YIPF4: variants seen among roughly 807,000 people sequenced by gnomAD.
The protein encoded by YIPF4 is protein YIPF4.
A neutral mutation model predicts 29.4 loss-of-function variants in YIPF4; 18 were observed. The observed-to-expected ratio is 0.61, with a 90% CI of 0.42 to 0.91. YIPF4 has a LOEUF of 0.91. Among genes scored for constraint, YIPF4 ranks in the 40% least tolerant of loss-of-function variants. YIPF4 has a pLI of 0.00. For synonymous variants in YIPF4, 115 were observed against 104.7 expected (o/e 1.10, Z -0.60); for missense variants, 279 against 282.7 (o/e 0.99, Z 0.09).
rs566208741 is a variant in YIPF4, at chr2:32,307,053, T to G, written c.*1427T>G. The G allele has an allele frequency of 2.1e-5, 25 of 1,205,564 alleles. No homozygotes were observed. In the Middle Eastern group the frequency reaches 9.1e-4, roughly 44 times the overall value. The allele number at this position is 1,205,564 out of a possible 1,614,324, so 74.7% of individuals were successfully genotyped here. On this transcript the variant is annotated 3_prime_UTR_variant, in exon 6 of 6. Coordinates refer to ENST00000238831, the MANE Select transcript of YIPF4 (RefSeq NM_032312.4). ...GCTGCAGAAAAAGTGTGGAGCACTTTTGAGCTAGAATAATGTAGAAAATTA... is the reference window on the plus strand; with the variant it reads ...GCTGCAGAAAAAGTGTGGAGCACTTGTGAGCTAGAATAATGTAGAAAATTA...
At position 32,301,513 on chromosome 2, in the gene YIPF4, T is replaced by C. The variant is rs776304732; in HGVS notation, c.597+18T>C. 4 of 1,520,150 alleles carry C rather than the reference T, an allele frequency of 2.6e-6. No individual in the cohort carries two copies. In the South Asian group the frequency reaches 4.6e-5, roughly 17 times the overall value. 94.2% of individuals were successfully genotyped at this position (1,520,150 alleles called of 1,614,324 possible). ...TTATAAAAGTAAGTTAAGGATTATG[T>C]ATTACATAGTTTACTGTTTTCCAAT... On this transcript the variant is annotated intron_variant, in intron 5 of 5. Transcript: ENST00000238831.
chr2:32,305,452 A>G, intron 5 of YIPF4, 37 bp from the exon 6 acceptor site: 1 of 1,446,220 alleles, frequency 6.9e-7, no homozygotes, highest in Non-Finnish European at 9.1e-7. Flanking sequence ...TTGACTTGCT[A>G]ATATGCTGCC....
chr2:32,303,498 C>T (rs1258197568), intron 5 of YIPF4, among the ~76,000 whole-genome samples: 1 of 152,078 alleles, frequency 6.6e-6, no homozygotes, highest in African/African-American at 2.4e-5. Flanking sequence ...CAGTTGAGCC[C>T]AGTTCGAGAC....
In YIPF4 at chr2:32,278,128, A is replaced by G; in HGVS notation, c.-28A>G. On this transcript the variant is annotated 5_prime_UTR_variant, in exon 1 of 6. Coordinates refer to ENST00000238831, the MANE Select transcript of YIPF4 (RefSeq NM_032312.4). Reference sequence around the variant, plus strand: ...TCTGGGCCCAGCCGCAGCCTCTTCTACCGCGGCCGGTTGGGAGTCGCCGCG... The same window carrying G: ...TCTGGGCCCAGCCGCAGCCTCTTCTGCCGCGGCCGGTTGGGAGTCGCCGCG... 1 of 1,541,400 alleles carries G rather than the reference A, an allele frequency of 6.5e-7. No homozygotes were observed. The highest frequency in any genetic ancestry group is 8.7e-7 in the Non-Finnish European group (1 of 1,143,782).
At position 32,306,763 on chromosome 2, in the gene YIPF4, C is replaced by A; in HGVS notation, c.*1137C>A. On this transcript the variant is annotated 3_prime_UTR_variant, in exon 6 of 6. Coordinates refer to ENST00000238831, the MANE Select transcript of YIPF4 (RefSeq NM_032312.4). ...ATATTACTTTGTAAAGTAGGTAAAT[C>A]ATTTTATTTATGTCCATAAAATATC... 4.3e-6 allele frequency: 1 copy of A among 232,542 alleles called. No homozygotes were observed. The highest frequency in any genetic ancestry group is 7.1e-6 in the Non-Finnish European group (1 of 141,320). The allele number at this position is 232,542 out of a possible 1,614,324, so 14.4% of individuals were successfully genotyped here.
chr2:32,296,419 C>T (rs2031184368), intron 3 of YIPF4, among the ~76,000 whole-genome samples: 1 of 150,098 alleles, frequency 6.7e-6, no homozygotes, highest in Non-Finnish European at 1.5e-5. Flanking sequence ...TGCATTGAGC[C>T]GAGATCACGC....
At position 32,310,680 on chromosome 2, in the gene YIPF4, A is replaced by C. The variant is rs1675733666; in HGVS notation, c.*5054A>C. ...ACTGTTTTGTGGCCAGGAGTTCAAA[A>C]TCAGCCTGGTCGACGTAGTGAGACC... is the stretch of plus-strand genomic sequence containing the variant. On this transcript the variant is annotated 3_prime_UTR_variant, in exon 6 of 6. Coordinates refer to ENST00000238831, the MANE Select transcript of YIPF4 (RefSeq NM_032312.4). The C allele has an allele frequency of 6.6e-6, 1 of 152,124 alleles. No homozygotes were observed. Among genetic ancestry groups the C allele is most frequent in the Non-Finnish European group, 1.5e-5 (1 of 68,044 alleles). The allele number at this position is 152,124 out of a possible 1,614,324, so 9.4% of individuals were successfully genotyped here.
At position 32,292,174 on chromosome 2, in the gene YIPF4, T is replaced by C; in HGVS notation, c.234-3T>C. ...TTTGAGAATTTTTATTTTAAAATTA[T>C]AGGGAAGAATTGGACATTGATCTAA... On this transcript the variant is annotated splice_polypyrimidine_tract_variant and splice_region_variant and intron_variant, in intron 2 of 5. Transcript: ENST00000238831. 1 of 1,448,984 alleles carries C rather than the reference T, an allele frequency of 6.9e-7. No homozygotes were observed. Among genetic ancestry groups the C allele is most frequent in the Non-Finnish European group, 9.2e-7 (1 of 1,092,410 alleles). The allele number at this position is 1,448,984 out of a possible 1,614,324, so 89.8% of individuals were successfully genotyped here. A position where few individuals can be genotyped will look rare whatever the true frequency, so the allele number is the denominator to read the frequency against.
At position 32,314,585 on chromosome 2, in the gene YIPF4, A is replaced by T. The variant is rs2031784456; in HGVS notation, c.*8959A>T. 1 of 152,180 alleles carries T rather than the reference A, an allele frequency of 6.6e-6. No individual in the cohort carries two copies. Among genetic ancestry groups the T allele is most frequent in the Admixed American group, 6.6e-5 (1 of 15,266 alleles). The allele number at this position is 152,180 out of a possible 1,614,324, so 9.4% of individuals were successfully genotyped here. Reference sequence around the variant, plus strand: ...CTACTCTGGAGGCTGAGACAGGAGAATCGCTTGAACCTGGGAGGTGGAGAG... The same window carrying T: ...CTACTCTGGAGGCTGAGACAGGAGATTCGCTTGAACCTGGGAGGTGGAGAG... On this transcript the variant is annotated 3_prime_UTR_variant, in exon 6 of 6. Transcript: ENST00000238831.
intron 1 of YIPF4, among the ~76,000 whole-genome samples, chr2:32,283,146 C>G (rs1325209670): frequency 6.6e-6 from 1 of 150,494 alleles, no homozygotes; most frequent in African/African-American, 2.4e-5. Flanking sequence ...ACTACTATAT[C>G]TGGCAGAGTT....
At position 32,314,290 on chromosome 2, in the gene YIPF4, A is replaced by G. The variant is rs1210202998; in HGVS notation, c.*8664A>G. 1 of 152,232 alleles carries G rather than the reference A, an allele frequency of 6.6e-6. No homozygotes were observed. Among genetic ancestry groups the G allele is most frequent in the Non-Finnish European group, 1.5e-5 (1 of 68,056 alleles). 9.4% of individuals were successfully genotyped at this position (152,232 alleles called of 1,614,324 possible). A position where few individuals can be genotyped will look rare whatever the true frequency, so the allele number is the denominator to read the frequency against. On this transcript the variant is annotated 3_prime_UTR_variant, in exon 6 of 6. Transcript: ENST00000238831. ...GAAAAAGACAAAGAATTTGTACTGT[A>G]TTACTTCATTTATATGAAGTTCAAA...
chr2:32,278,366 C>T, intron 1 of YIPF4, 132 bp downstream of exon 1: 5 of 866,346 alleles, frequency 5.8e-6, no homozygotes, highest in East Asian at 6.3e-5. Context: ...TGCAGCCCAC[C>T]ACGCCTGCCG....
chr2:32,292,789 G>C (rs1422085794), intron 3 of YIPF4, among the ~76,000 whole-genome samples: 1 of 150,966 alleles, frequency 6.6e-6, no homozygotes, highest in African/African-American at 2.4e-5. Flanking sequence ...ACTTGAACCC[G>C]GGAGGCCGAG....
chr2:32,298,495 A>G (rs1246788852), intron 4 of YIPF4, among the ~76,000 whole-genome samples, 184 bp downstream of exon 4: 2 of 152,196 alleles, frequency 1.3e-5, no homozygotes, highest in African/African-American at 4.8e-5. Flanking sequence ...GAAATGAGGA[A>G]AAAGAAAATA....
At chr2:32,301,355 T>G (rs776212831) in intron 4 of YIPF4, 27 bp from the exon 5 acceptor site, 2 of 1,411,992 alleles carry the variant, frequency 1.4e-6, no homozygotes, top group African/African-American at 1.4e-5. Flanking sequence ...TTCAATGATA[T>G]TTATTTGAAA....
rs370194321 is a variant in YIPF4 at position 32,298,273 on chromosome 2, C to T, written c.445C>T (p.Leu149=). 2.5e-6 allele frequency: 4 copies of T among 1,608,566 alleles called. No individual in the cohort carries two copies. The South Asian group carries it at 3.3e-5, about 13-fold the overall frequency. ...WIITIWIFGS[L]TIFLLARVLG... ...TATAACCATTTGGATATTTGGTTCA[C>T]TAACAATTTTCTTACTGGCCAGAGT... Residue 149 remains leucine (L), a synonymous_variant, in exon 4 of 6, where the codon CTA becomes TTA. Coordinates refer to ENST00000238831, the MANE Select transcript of YIPF4 (RefSeq NM_032312.4).
intron 3 of YIPF4, among the ~76,000 whole-genome samples, chr2:32,294,947 A>G (rs540305708): frequency 2.6e-4 from 39 of 150,738 alleles, no homozygotes; most frequent in Non-Finnish European, 4.6e-4. Context: ...TGCGCCTGCA[A>G]TGGCAGGCAC....
chr2:32,296,789 T>C (rs1226284821), intron 3 of YIPF4, among the ~76,000 whole-genome samples: 3 of 152,236 alleles, frequency 2.0e-5, no homozygotes, highest in Non-Finnish European at 4.4e-5. Flanking sequence ...TTTGCAACTA[T>C]GCAAATATCC....
At position 32,310,236 on chromosome 2, in the gene YIPF4, C is replaced by T. The variant is rs1384934253; in HGVS notation, c.*4610C>T. ...TACAGCCAGGCATGGTGGCTCATGC[C>T]TGTAATCCCAGAACTTTGGGAGGCC... is the stretch of plus-strand genomic sequence containing the variant. On this transcript the variant is annotated 3_prime_UTR_variant, in exon 6 of 6. Transcript: ENST00000238831. The T allele has an allele frequency of 6.6e-6, 1 of 152,116 alleles. No individual in the cohort carries two copies. The highest frequency in any genetic ancestry group is 6.5e-5 in the Admixed American group (1 of 15,272). 9.4% of individuals were successfully genotyped at this position (152,116 alleles called of 1,614,324 possible). A position where few individuals can be genotyped will look rare whatever the true frequency, so the allele number is the denominator to read the frequency against.
Sources: allele counts gnomAD v4.1 joint callset (sites outside exome capture counted in the v4.1 genomes callset), GRCh38; gene constraint gnomAD v4.1.1; transcripts MANE v1.5; gene names NCBI Gene and HGNC (gene_info 2026-07-23, HGNC 2026-07-21).